SMTNL1: variants seen among roughly 807,000 people sequenced by gnomAD.
SMTNL1 encodes the protein smoothelin-like protein 1.
Under a neutral mutation model 46.6 loss-of-function variants are expected in SMTNL1, and 41 were observed. The observed-to-expected ratio is 0.88, with a 90% CI of 0.69 to 1.14. SMTNL1 has a LOEUF of 1.14. Among genes scored for constraint, SMTNL1 ranks in the 50% most tolerant of loss-of-function variants. SMTNL1 has a pLI of 0.00. For synonymous variants in SMTNL1, 234 were observed against 234.2 expected, an observed-to-expected ratio of 1.00 and a Z score of 0.01; for missense variants, 591 against 626.1, an observed-to-expected ratio of 0.94 and a Z score of 0.60.
rs555332890 is a variant in SMTNL1 at position 57,546,345 on chromosome 11, G to A, written c.1186G>A (p.Glu396Lys). 21 of 1,606,618 alleles carry A rather than the reference G, an allele frequency of 1.3e-5. No homozygotes were observed. The highest frequency in any genetic ancestry group is 3.3e-5 in the South Asian group (3 of 89,762). Residue 396 changes from glutamate (E) to lysine (K), a missense_variant and splice_region_variant, in exon 6 of 8, where the codon GAG becomes AAG. By Grantham distance (56) the Glu-to-Lys change is moderately conservative. Transcript: ENST00000527972. Reference sequence around the variant, plus strand: ...GTGCCGAGCCATGACAAAAAAATACGAGGTGGGCATGGGGCAGAGCTGCGT... The same window carrying A: ...GTGCCGAGCCATGACAAAAAAATACAAGGTGGGCATGGGGCAGAGCTGCGT... The part of the protein sequence containing the change: ...EWCRAMTKKY[E>K]HVDIQNFSSS...
chr11:57,541,247 G>T (rs899291824), intron 1 of SMTNL1, among the ~76,000 whole-genome samples: 1 of 152,172 alleles, frequency 6.6e-6, no homozygotes, highest in Admixed American at 6.5e-5. Context: ...GGTGCCCTCG[G>T]TACTATCACT....
At chr11:57,544,283 G>A (rs1018147136) in intron 4 of SMTNL1, among the ~76,000 whole-genome samples, 15 of 152,338 alleles carry the variant, frequency 9.8e-5, no homozygotes, top group African/African-American at 3.1e-4. Context: ...GGGAGGCTGA[G>A]GCAGGATAAT....
At chr11:57,545,059 A>T (rs138010698) in intron 4 of SMTNL1, among the ~76,000 whole-genome samples, 4,668 of 150,634 alleles carry the variant, frequency 0.031, 87 homozygotes, top group Non-Finnish European at 0.044. Context: ...CTGGTTTTGA[A>T]CTCCTGACCT....
intron 4 of SMTNL1, 88 bp from the exon 5 acceptor site, chr11:57,545,792 CA>C: frequency 2.4e-6 from 3 of 1,243,440 alleles, no homozygotes; most frequent in Non-Finnish European, 3.4e-6. Flanking sequence ...ACTGCAGTGC[CA>C]CCCACCCTCC....
At chr11:57,549,608 C>G (rs957624162) in intron 7 of SMTNL1, among the ~76,000 whole-genome samples, 3 of 152,118 alleles carry the variant, frequency 2.0e-5, no homozygotes, top group Admixed American at 2.0e-4. Context: ...CTACTGAGCT[C>G]AAGGGATCCT....
chr11:57,546,694 A>C (rs781630563), intron 7 of SMTNL1, 42 bp downstream of exon 7: 1 of 1,594,274 alleles, frequency 6.3e-7, no homozygotes, highest in Non-Finnish European at 8.5e-7. Flanking sequence ...ATGGGAGCCT[A>C]GGCGAGGACT....
At chr11:57,541,443 ATCC>A in intron 1 of SMTNL1, 1 of 1,328,136 alleles carries the variant, frequency 7.5e-7, no homozygotes, top group Non-Finnish European at 1.0e-6. Flanking sequence ...GTTTTTGTAG[ATCC>A]TCCAGTATAT....
At chr11:57,545,813 G>A in intron 4 of SMTNL1, 68 bp from the exon 5 acceptor site, 14 of 841,660 alleles carry the variant, frequency 1.7e-5, no homozygotes, top group Admixed American at 7.5e-5. Flanking sequence ...CAGCCCCACA[G>A]CCCCCTCCCT....
At chr11:57,537,698 C>T (rs1944839546) in intron 1 of SMTNL1, among the ~76,000 whole-genome samples, 56 bp downstream of exon 1, 1 of 152,242 alleles carries the variant, frequency 6.6e-6, no homozygotes. Context: ...CCAATTCTCA[C>T]TCCCACTGTC....
At chr11:57,545,314 G>A (rs1463886602) in intron 4 of SMTNL1, among the ~76,000 whole-genome samples, 2 of 151,968 alleles carry the variant, frequency 1.3e-5, no homozygotes, top group Non-Finnish European at 2.9e-5. Flanking sequence ...CAAATAAGAG[G>A]CAAAGCCATG....
intron 1 of SMTNL1, among the ~76,000 whole-genome samples, chr11:57,538,441 G>A (rs1010799390): frequency 6.6e-6 from 1 of 152,208 alleles, no homozygotes; most frequent in Non-Finnish European, 1.5e-5. Context: ...GGGGAAGGAA[G>A]GAGGAAGGAA....
chr11:57,547,295 G>A (rs1944929838), intron 7 of SMTNL1, among the ~76,000 whole-genome samples: 1 of 152,208 alleles, frequency 6.6e-6, no homozygotes, highest in Non-Finnish European at 1.5e-5. Context: ...CTGGACTCTG[G>A]TTCTGAGTCA....
intron 7 of SMTNL1, among the ~76,000 whole-genome samples, 162 bp from the exon 8 acceptor site, chr11:57,549,806 A>T (rs552600577): frequency 3.7e-4 from 57 of 152,144 alleles, no homozygotes; most frequent in Non-Finnish European, 6.5e-4. Context: ...CAGTTATCTC[A>T]TCTAGATATA....
chr11:57,549,780 A>T (rs1590805364), intron 7 of SMTNL1, among the ~76,000 whole-genome samples, 188 bp from the exon 8 acceptor site: 1 of 152,298 alleles, frequency 6.6e-6, no homozygotes, highest in African/African-American at 2.4e-5. Context: ...GGTTTGTCTT[A>T]ACTCTGTTGG....
rs368434954 is a variant in SMTNL1, at chr11:57,543,881, C to T, written c.878C>T (p.Pro293Leu). The change falls in exon 4 of 8, where the codon CCA becomes CTA. Residue 293 changes from proline to leucine, a missense_variant. Physicochemically the swap from Pro to Leu is moderately conservative, Grantham distance 98. Coordinates refer to ENST00000527972, the MANE Select transcript of SMTNL1 (RefSeq NM_001105565.3). ...GHNLSTDGLG[P>L]DCVASGQTSP... ...CACTTTCCTCCAGATGGGCTGGGTC[C>T]AGACTGTGTAGCTTCCGGACAGACC... 4 of 1,592,974 alleles carry T rather than the reference C, an allele frequency of 2.5e-6. No homozygotes were observed. Among genetic ancestry groups the T allele is most frequent in the Non-Finnish European group, 3.4e-6 (4 of 1,169,702 alleles).
rs761011634 is a variant in SMTNL1, at chr11:57,543,154, C to A, written c.512C>A (p.Ala171Asp). 1 of 1,613,538 alleles carries A rather than the reference C, an allele frequency of 6.2e-7. No individual in the cohort carries two copies. The highest frequency in any genetic ancestry group is 1.1e-5 in the South Asian group (1 of 91,012). Residue 171 changes from alanine (A) to aspartate (D), a missense_variant, in exon 2 of 8, where the codon GCC becomes GAC. Ala to Asp is a moderately radical substitution (Grantham distance 126). Transcript: ENST00000527972. ...EPKATVEEEDAKTASQEETGQ... is the reference protein window; with the variant it reads ...EPKATVEEEDDKTASQEETGQ... ...AAGGCAACAGTTGAGGAGGAGGACG[C>A]CAAGACAGCCTCTCAGGAGGAGACA...
In SMTNL1 at chr11:57,540,665, C is replaced by T. The variant is rs978596330; in HGVS notation, c.-2-1976C>T. ...CACAGCCAGCTCCACAACTTCACAC[C>T]TCCCGGCATCTCTGCTGATGTGCGT... On this transcript the variant is annotated intron_variant, in intron 1 of 7. Coordinates refer to ENST00000527972, the MANE Select transcript of SMTNL1 (RefSeq NM_001105565.3). Among the ~76,000 whole-genome samples, 5 of 152,034 alleles carry T rather than the reference C, an allele frequency of 3.3e-5. No individual in the cohort carries two copies. The South Asian group carries it at 6.2e-4, about 19-fold the overall frequency.
chr11:57,546,221 C>G lies in SMTNL1; in HGVS notation c.1074-12C>G. 6.3e-7 allele frequency: 1 copy of G among 1,583,956 alleles called. No individual in the cohort carries two copies. The highest frequency in any genetic ancestry group is 8.6e-7 in the Non-Finnish European group (1 of 1,165,174). On this transcript the variant is annotated splice_polypyrimidine_tract_variant and intron_variant, in intron 5 of 7. Transcript: ENST00000527972. ...CTCTCTGGCTTGGCCTTGCACCCCT[C>G]TCCCCTCACAGGGCAGCTTCCGGCC...
Position 57,543,731 on chromosome 11 carries a change from TGG to T in SMTNL1, c.843_844del (p.Glu282GlyfsTer25). On this transcript the variant is annotated frameshift_variant, in exon 3 of 8. Transcript: ENST00000527972. LOFTEE classifies it high-confidence loss of function. ...CAGAGGAGTGGCCTGAGAGCCCCAC[TGG>T]GGAGGGGCACAACCTCAGCACAGGT... ...SPEEWPESPTGEGHNLSTDGL... is the reference protein window; with the variant it reads ...SPEEWPESPTXEGHNLSTDGL... 3.8e-6 allele frequency: 6 copies of T among 1,565,250 alleles called. No individual in the cohort carries two copies. Among genetic ancestry groups the T allele is most frequent in the Non-Finnish European group, 5.2e-6 (6 of 1,154,954 alleles).
Sources: gnomAD v4.1 joint callset for allele counts (sites outside exome capture counted in the v4.1 genomes callset) on GRCh38, gnomAD v4.1.1 for gene constraint, MANE v1.5 for transcripts, NCBI Gene and HGNC (gene_info 2026-07-23, HGNC 2026-07-21) for gene names.